Variants in AGO3 observed in about 807,000 individuals in gnomAD.
The protein encoded by AGO3 is protein argonaute-3.
AGO3 carries 16 observed loss-of-function variants against 105.5 expected under a neutral mutation model. The ratio of observed to expected loss-of-function variants is 0.15; its 90% CI spans 0.10 to 0.23. AGO3 has a LOEUF of 0.23. Among genes scored for constraint, AGO3 ranks in the 10% least tolerant of loss-of-function variants. AGO3 has a pLI of 1.00. For missense variants in AGO3, 534 were observed against 1,088.0 expected, an observed-to-expected ratio of 0.49 and a Z score of 7.16; for synonymous variants, 340 against 367.3, an observed-to-expected ratio of 0.93 and a Z score of 0.85.
chr1:36,024,703 A>C (rs964553386), intron 11 of AGO3, among the ~76,000 whole-genome samples: 15 of 152,146 alleles, frequency 9.9e-5, no homozygotes, highest in African/African-American at 2.9e-4. Context: ...TATTTTATTG[A>C]GACAGAGTCT....
At chr1:36,053,567 A>C (rs1642806236) in intron 17 of AGO3, among the ~76,000 whole-genome samples, 1 of 151,040 alleles carries the variant, frequency 6.6e-6, no homozygotes, top group South Asian at 2.1e-4. Flanking sequence ...GAGCCACCAC[A>C]CCCAGCCTAT....
intron 1 of AGO3, 31 bp downstream of exon 1, chr1:35,931,476 A>T: frequency 6.8e-7 from 1 of 1,471,102 alleles, no homozygotes; most frequent in Non-Finnish European, 9.0e-7. Flanking sequence ...CAGGTAGGGG[A>T]TGTCACCCAG....
chr1:36,027,305 A>G lies in AGO3; in HGVS notation c.1591+7A>G, dbSNP rs1482406818. 3.1e-6 allele frequency: 5 copies of G among 1,602,282 alleles called. No homozygotes were observed. Among genetic ancestry groups the G allele is most frequent in the Non-Finnish European group, 4.3e-6 (5 of 1,172,568 alleles). ...GGGAAGACACCAGTGTATGGTAAGG[A>G]TATCTTAAGACTGCATTTTTCCTCA... On this transcript the variant is annotated splice_region_variant and intron_variant, in intron 12 of 18. Transcript: ENST00000373191. This position sits in a 1 kb window ranked among gnomAD's most constrained non-coding sequence, Gnocchi z 4.0.
rs1642944341 is a variant in AGO3 at position 36,057,172 on chromosome 1, C to T, written c.*1427C>T. 6.6e-6 allele frequency: 1 copy of T among 152,098 alleles called. No individual in the cohort carries two copies. Among genetic ancestry groups the T allele is most frequent in the African/African-American group, 2.4e-5 (1 of 41,432 alleles). The allele number at this position is 152,098 out of a possible 1,614,324, so 9.4% of individuals were successfully genotyped here. A position where few individuals can be genotyped will look rare whatever the true frequency, so the allele number is the denominator to read the frequency against. ...TTTCTATGGGTTATACATGGAAATT[C>T]TTTAAAGGTTTTATAAAGGGTAAAT... is the stretch of plus-strand genomic sequence containing the variant. On this transcript the variant is annotated 3_prime_UTR_variant, in exon 19 of 19. Coordinates refer to ENST00000373191, the MANE Select transcript of AGO3 (RefSeq NM_024852.4).
intron 10 of AGO3, 77 bp from the exon 11 acceptor site, chr1:36,013,838 C>T (rs1640742993): frequency 3.8e-6 from 6 of 1,597,996 alleles, no homozygotes; most frequent in Admixed American, 3.4e-5. Flanking sequence ...TTCAATTCAG[C>T]GATTTGAAAT....
chr1:35,960,946 A>C lies in AGO3; in HGVS notation c.192-6009A>C, dbSNP rs372612761. On this transcript the variant is annotated intron_variant, in intron 2 of 18. Transcript: ENST00000373191. ...ATGTTTCTTTTCTTTTTTTTTTTTTATTTTTATTTTTTTTTGAGATGGAGT... is the reference window on the plus strand; with the variant it reads ...ATGTTTCTTTTCTTTTTTTTTTTTTCTTTTTATTTTTTTTTGAGATGGAGT... Among the ~76,000 whole-genome samples the C allele has an allele frequency of 7.7e-3, 1,002 of 130,056 alleles. 8 individuals carry two copies. Among genetic ancestry groups the C allele is most frequent in the African/African-American group, 0.027 (941 of 35,016 alleles). 85.3% of individuals were successfully genotyped at this position (130,056 alleles called of 152,430 possible).
chr1:36,044,819 T>A (rs992366750), intron 17 of AGO3, among the ~76,000 whole-genome samples: 1 of 152,242 alleles, frequency 6.6e-6, no homozygotes, highest in Admixed American at 6.5e-5. Context: ...TTAGCTTTAC[T>A]TGGTGGAACA....
At chr1:36,029,074 C>G (rs903229908) in intron 12 of AGO3, among the ~76,000 whole-genome samples, 1 of 151,866 alleles carries the variant, frequency 6.6e-6, no homozygotes, top group Non-Finnish European at 1.5e-5. Flanking sequence ...GCACACATAC[C>G]CTGGGATACT....
At chr1:35,946,762 CTT>C (rs572885475) in intron 2 of AGO3, among the ~76,000 whole-genome samples, 68 of 152,240 alleles carry the variant, frequency 4.5e-4, no homozygotes, top group African/African-American at 1.5e-3. Context: ...CACTAAAAGA[CTT>C]TGTGATAACA....
At chr1:36,032,024 A>G (rs1294077243) in intron 12 of AGO3, among the ~76,000 whole-genome samples, 3 of 152,068 alleles carry the variant, frequency 2.0e-5, no homozygotes, top group Non-Finnish European at 2.9e-5. Context: ...TAGGTGTACA[A>G]ATATCTCTTC....
intron 11 of AGO3, among the ~76,000 whole-genome samples, chr1:36,021,861 C>G (rs1641242963): frequency 6.6e-6 from 1 of 151,942 alleles, no homozygotes; most frequent in Non-Finnish European, 1.5e-5. Context: ...GATACAGAAT[C>G]TATCTCTCCT....
intron 5 of AGO3, among the ~76,000 whole-genome samples, chr1:35,981,252 AC>A (rs1647048178): frequency 6.6e-6 from 1 of 152,104 alleles, no homozygotes; most frequent in Non-Finnish European, 1.5e-5. Flanking sequence ...ATGTATACTT[AC>A]CACTTTTTTG....
intron 9 of AGO3, among the ~76,000 whole-genome samples, chr1:36,012,309 C>A (rs538218871): frequency 3.0e-4 from 43 of 145,524 alleles, no homozygotes; most frequent in Admixed American, 5.6e-4. Flanking sequence ...GATGACAGAG[C>A]GAGACCCTGT....
intron 2 of AGO3, among the ~76,000 whole-genome samples, chr1:35,952,205 G>A (rs1304285613): frequency 7.1e-6 from 1 of 140,536 alleles, no homozygotes; most frequent in Non-Finnish European, 1.5e-5. Flanking sequence ...AGAGTGCAGT[G>A]GCGCGATCGC....
rs1236779406 is a variant in AGO3 at position 35,981,679 on chromosome 1, G to A, written c.658+8168G>A. Among the ~76,000 whole-genome samples, 3 of 152,308 alleles carry A rather than the reference G, an allele frequency of 2.0e-5. No individual in the cohort carries two copies. The East Asian group carries it at 5.8e-4, about 29-fold the overall frequency. On this transcript the variant is annotated intron_variant, in intron 5 of 18. Coordinates refer to ENST00000373191, the MANE Select transcript of AGO3 (RefSeq NM_024852.4). Reference sequence around the variant, plus strand: ...AATTACAAAAGAGCATGCCTCACTTGTAAAAGGGTGGTCCTTTCTGAGATC... The same window carrying A: ...AATTACAAAAGAGCATGCCTCACTTATAAAAGGGTGGTCCTTTCTGAGATC...
At position 36,027,755 on chromosome 1, in the gene AGO3, G is replaced by A. The variant is rs571670271; in HGVS notation, c.1591+457G>A. ...GATCGCACCGGTGCACTCCAGCCTGGGCGACAGAGCGAAAGTCCGTCTCAA... is the reference window on the plus strand; with the variant it reads ...GATCGCACCGGTGCACTCCAGCCTGAGCGACAGAGCGAAAGTCCGTCTCAA... On this transcript the variant is annotated intron_variant, in intron 12 of 18. Transcript: ENST00000373191. The surrounding 1 kb of genome is among the most constrained non-coding windows in gnomAD (Gnocchi z 4.0). 6.6e-6 allele frequency among the ~76,000 whole-genome samples: 1 copy of A among 151,692 alleles called. No individual in the cohort carries two copies. Among genetic ancestry groups the A allele is most frequent in the South Asian group, 2.1e-4 (1 of 4,786 alleles).
At chr1:36,048,300 A>C (rs1359728569) in intron 17 of AGO3, among the ~76,000 whole-genome samples, 1 of 152,146 alleles carries the variant, frequency 6.6e-6, no homozygotes, top group Non-Finnish European at 1.5e-5. Flanking sequence ...TCAATCAATC[A>C]ATCAATCAAT....
At chr1:35,934,840 C>T (rs1046935572) in intron 1 of AGO3, among the ~76,000 whole-genome samples, 9 of 151,942 alleles carry the variant, frequency 5.9e-5, no homozygotes, top group African/African-American at 1.2e-4. Flanking sequence ...TTAGTAGAGA[C>T]GGGGTTTCAC....
rs886845031 is a variant in AGO3, at chr1:35,975,921, CTT to C, written c.658+2420_658+2421del. Among the ~76,000 whole-genome samples, 4 of 145,440 alleles carry C rather than the reference CTT, an allele frequency of 2.8e-5. 1 individual carries two copies. In the Admixed American group the frequency reaches 2.8e-4, roughly 10 times the overall value. On this transcript the variant is annotated intron_variant, in intron 5 of 18. Transcript: ENST00000373191. ...AGCTTCACATAAATTTTGCACATTT[CTT>C]TTTTTTTTTCTTTCTTTCTTTTCTT...
Sources: gnomAD v4.1 joint callset for allele counts (sites outside exome capture counted in the v4.1 genomes callset) on GRCh38, gnomAD v4.1.1 for gene constraint, Gnocchi (gnomAD v3.1) non-coding constraint, MANE v1.5 for transcripts, NCBI Gene and HGNC (gene_info 2026-07-23, HGNC 2026-07-21) for gene names.